SP110: variants seen among roughly 807,000 people sequenced by gnomAD.
SP110 encodes the protein interferon-induced protein 41, 30kD.
In SP110, 62 loss-of-function variants were observed where a neutral mutation model predicts 92.7. The observed-to-expected ratio is 0.67, with a 90% CI of 0.55 to 0.83. The LOEUF (loss-of-function observed/expected upper bound fraction) is 0.83. SP110 is among the 40% of genes least tolerant of loss of function. The pLI, the probability that SP110 is intolerant of heterozygous loss-of-function variation, is 0.00. For synonymous variants in SP110, 273 were observed against 305.3 expected (o/e 0.89, Z 1.10); for missense variants, 793 against 863.9 (o/e 0.92, Z 1.03).
At chr2:230,195,566 G>A (rs767160116) in intron 10 of SP110, among the ~76,000 whole-genome samples, 2 of 152,138 alleles carry the variant, frequency 1.3e-5, no homozygotes, top group African/African-American at 2.4e-5. Context: ...CTGGACTCAA[G>A]TGAACCTCCT....
At chr2:230,200,513 T>G in intron 10 of SP110, 1 of 215,312 alleles carries the variant, frequency 4.6e-6, no homozygotes, top group Non-Finnish European at 9.4e-6. Context: ...GCTTGATCCA[T>G]GGGTTGGATC....
intron 11 of SP110, among the ~76,000 whole-genome samples, chr2:230,183,940 G>A (rs2042241588): frequency 6.6e-6 from 1 of 152,092 alleles, no homozygotes; most frequent in African/African-American, 2.4e-5. Context: ...TTATCCACAC[G>A]GCATGTATTT....
chr2:230,221,011 G>A (rs893132289), upstream of SP110, among the ~76,000 whole-genome samples: 1 of 151,638 alleles, frequency 6.6e-6, no homozygotes, highest in Non-Finnish European at 1.5e-5. Context: ...GGCCAGGCTC[G>A]GTGGCTCACG....
chr2:230,208,232 A>T (rs1283996423), intron 7 of SP110, among the ~76,000 whole-genome samples, 173 bp from the exon 8 acceptor site: 1 of 152,238 alleles, frequency 6.6e-6, no homozygotes. Flanking sequence ...CTAAAATGAC[A>T]GAGGAAAAGG....
At chr2:230,200,665 TATAC>T in intron 10 of SP110, 4 of 589,446 alleles carry the variant, frequency 6.8e-6, no homozygotes, top group Non-Finnish European at 1.2e-5. Context: ...ATAGTGCAGA[TATAC>T]ATACATACAT....
At chr2:230,202,831 C>G in intron 8 of SP110, 103 bp from the exon 9 acceptor site, 1 of 1,052,960 alleles carries the variant, frequency 9.5e-7, no homozygotes, top group Non-Finnish European at 1.5e-6. Flanking sequence ...AACTCCCACT[C>G]TTTCAGATCT....
At chr2:230,203,778 A>G (rs1307850841) in intron 8 of SP110, 1 of 152,248 alleles carries the variant, frequency 6.6e-6, no homozygotes, top group Non-Finnish European at 1.5e-5. Context: ...TGTAAAAAAT[A>G]AAGCTGATTA....
chr2:230,189,013 T>C lies in SP110; in HGVS notation c.1130-2870A>G, dbSNP rs1388880070. Among the ~76,000 whole-genome samples the C allele has an allele frequency of 3.3e-5, 5 of 152,298 alleles. No individual in the cohort carries two copies. In the East Asian group the frequency reaches 9.6e-4, roughly 29 times the overall value. ...TGCATAGAGGTGTTCATAGTAGTCC[T>C]GAATGATCTTTTGTATTTCTGTGGT... On this transcript the variant is annotated intron_variant, in intron 10 of 18. Coordinates refer to ENST00000258381, the MANE Select transcript of SP110 (RefSeq NM_080424.4).
intron 2 of SP110, 148 bp from the exon 3 acceptor site, chr2:230,215,266 G>A: frequency 1.5e-6 from 1 of 674,682 alleles, no homozygotes; most frequent in Non-Finnish European, 2.5e-6. Flanking sequence ...CTCTAAGGTA[G>A]AGCGGTCACA....
Position 230,172,900 on chromosome 2 carries a change from A to G in SP110, c.1650T>C (p.Gly550=), listed in dbSNP as rs35495464. 109,375 of 1,613,902 alleles carry G rather than the reference A, an allele frequency of 0.068. 4,259 individuals are homozygous for G. Among genetic ancestry groups the G allele is most frequent in the Middle Eastern group, 0.087 (525 of 6,058 alleles). Residue 550 remains glycine (G), a synonymous_variant, in exon 15 of 19, where the codon GGT becomes GGC. Coordinates refer to ENST00000258381, the MANE Select transcript of SP110 (RefSeq NM_080424.4). ...CCQGGQLLCC[G]TCPRVFHEDC... ...CCTCATGGAAGACTCGTGGACAAGTACCGCAGCAGAGAAGTTGTCCCCCTT... is the reference window on the plus strand; with the variant it reads ...CCTCATGGAAGACTCGTGGACAAGTGCCGCAGCAGAGAAGTTGTCCCCCTT...
rs1431463585 is a variant in SP110, at chr2:230,168,493, G to C, written c.*631C>G. 6.6e-6 allele frequency: 1 copy of C among 152,226 alleles called. No homozygotes were observed. Among genetic ancestry groups the C allele is most frequent in the Non-Finnish European group, 1.5e-5 (1 of 68,172 alleles). The allele number at this position is 152,226 out of a possible 1,614,324, so 9.4% of individuals were successfully genotyped here. On this transcript the variant is annotated 3_prime_UTR_variant, in exon 19 of 19. Transcript: ENST00000258381. Reference sequence around the variant, plus strand: ...AAACCATCAGGTGATAGATGATCAGGCTGATAACACGTGCACCTGCTGCCA... The same window carrying C: ...AAACCATCAGGTGATAGATGATCAGCCTGATAACACGTGCACCTGCTGCCA...
At chr2:230,177,437 T>C in intron 14 of SP110, 101 bp downstream of exon 14, 1 of 1,219,764 alleles carries the variant, frequency 8.2e-7, no homozygotes, top group Non-Finnish European at 1.2e-6. Flanking sequence ...TAAATCATGC[T>C]GTTGAATCCT....
chr2:230,176,760 C>G (rs199619883), intron 14 of SP110: 2 of 1,612,956 alleles, frequency 1.2e-6, no homozygotes, highest in Non-Finnish European at 1.7e-6. Context: ...TGAGGTTATT[C>G]TGGAGGTTTT....
chr2:230,217,245 CAAAA>C (rs6147220), intron 1 of SP110, among the ~76,000 whole-genome samples: 85 of 79,798 alleles, frequency 1.1e-3, no homozygotes, highest in Admixed American at 2.5e-3. Context: ...GACTCCATCT[CAAAA>C]AAAAAAAAAA....
At chr2:230,203,460 C>A (rs1220045790) in intron 8 of SP110, 1 of 152,468 alleles carries the variant, frequency 6.6e-6, no homozygotes, top group Admixed American at 6.5e-5. Flanking sequence ...CAGGCCACTT[C>A]CGGAGGAAAA....
intron 1 of SP110, chr2:230,219,479 A>G (rs1355041182): frequency 2.0e-5 from 3 of 152,224 alleles, no homozygotes; most frequent in African/African-American, 4.8e-5. Flanking sequence ...GAGAAAATAT[A>G]TAAAAAGTTC....
Position 230,211,475 on chromosome 2 carries a change from A to G in SP110, c.746T>C (p.Met249Thr), listed in dbSNP as rs1214076626. Residue 249 changes from methionine to threonine, a missense_variant, in exon 6 of 19, where the codon ATG (methionine) becomes ACG (threonine). Met to Thr is a moderately conservative substitution (Grantham distance 81). Coordinates refer to ENST00000258381, the MANE Select transcript of SP110 (RefSeq NM_080424.4). This position sits in a 1 kb window ranked among gnomAD's most constrained non-coding sequence, Gnocchi z 4.2. Reference protein sequence around the residue: ...QEMPHSPLGSMPEIRDNSPEP... With the variant: ...QEMPHSPLGSTPEIRDNSPEP... ...GTTGACCAAACCAAGATTACCTGGC[A>G]TAGAGCCCAAGGGAGAGTGGGGCAT... The G allele has an allele frequency of 1.9e-6, 3 of 1,597,110 alleles. No homozygotes were observed. In the African/African-American group the frequency reaches 4.0e-5, roughly 21 times the overall value.
intron 14 of SP110, among the ~76,000 whole-genome samples, chr2:230,175,945 C>T (rs371063970): frequency 4.5e-4 from 59 of 130,742 alleles, no homozygotes; most frequent in Middle Eastern, 4.2e-3. Flanking sequence ...CTGCAGCATT[C>T]TTTTTTTTTT....
At position 230,166,483 on chromosome 2, in the gene SP110, A is replaced by C. The variant is rs1216168699; in HGVS notation, c.*2641T>G. Among the ~76,000 whole-genome samples, 1 of 152,208 alleles carries C rather than the reference A, an allele frequency of 6.6e-6. No individual in the cohort carries two copies. The highest frequency in any genetic ancestry group is 1.5e-5 in the Non-Finnish European group (1 of 68,042). ...CTATGACAGTGTGTAAAAACTATAG[A>C]GCAATCTCATTTATAAATACAAATG... On this transcript the variant is annotated 3_prime_UTR_variant, in exon 19 of 19. Transcript: ENST00000258381.
Sources: allele counts gnomAD v4.1 joint callset (sites outside exome capture counted in the v4.1 genomes callset), GRCh38; gene constraint gnomAD v4.1.1; non-coding constraint Gnocchi (gnomAD v3.1); transcripts MANE v1.5; gene names NCBI Gene and HGNC (gene_info 2026-07-23, HGNC 2026-07-21).